The following RASGEF1C variants were observed in gnomAD, a reference collection of about 807,000 sequenced individuals.
RASGEF1C encodes ras-GEF domain-containing family member 1C.
RASGEF1C carries 27 observed loss-of-function variants against 58.1 expected under a neutral mutation model. That is an observed-to-expected ratio of 0.46 (90% confidence interval 0.34 to 0.64). The LOEUF is 0.64. Among genes scored for constraint, RASGEF1C ranks in the 30% least tolerant of loss-of-function variants. The pLI, the probability that RASGEF1C is intolerant of heterozygous loss-of-function variation, is 0.01. For synonymous variants in RASGEF1C, 243 were observed against 246.3 expected, an observed-to-expected ratio of 0.99 and a Z score of 0.13; for missense variants, 502 against 605.1, an observed-to-expected ratio of 0.83 and a Z score of 1.79.
intron 1 of RASGEF1C, among the ~76,000 whole-genome samples, chr5:180,163,783 T>C (rs1200061372): frequency 1.3e-5 from 2 of 152,224 alleles, no homozygotes; most frequent in African/African-American, 2.4e-5. Context: ...ACCTCTTCTA[T>C]TTTCTGAAAG....
chr5:180,200,902 G>A (rs2127564239), intron 1 of RASGEF1C, among the ~76,000 whole-genome samples: 2 of 152,252 alleles, frequency 1.3e-5, no homozygotes, highest in South Asian at 4.1e-4. Context: ...CTGTGGGAAT[G>A]AGGAGAGGGG....
At chr5:180,111,671 C>T in intron 11 of RASGEF1C, 91 bp from the exon 12 acceptor site, 4 of 1,449,224 alleles carry the variant, frequency 2.8e-6, no homozygotes, top group Non-Finnish European at 3.9e-6. Context: ...GAGACCCTCT[C>T]AACACCCAGT....
rs1766611617 is a variant in RASGEF1C, at chr5:180,143,295, G to C, written c.-6-5237C>G. On this transcript the variant is annotated intron_variant, in intron 1 of 13. Coordinates refer to ENST00000361132, the MANE Select transcript of RASGEF1C (RefSeq NM_175062.4). This position sits in a 1 kb window ranked among gnomAD's most constrained non-coding sequence, Gnocchi z 4.3. ...ACCCTGCTCCAGGCCGCTGGCGCTG[G>C]CAAAGTTTCTGGGACAGCATGGCCC... 6.6e-6 allele frequency among the ~76,000 whole-genome samples: 1 copy of C among 152,220 alleles called. No homozygotes were observed. The highest frequency in any genetic ancestry group is 2.4e-5 in the African/African-American group (1 of 41,452).
Position 180,197,130 on chromosome 5 carries a change from C to T in RASGEF1C, c.-7+11898G>A, listed in dbSNP as rs190206318. On this transcript the variant is annotated intron_variant, in intron 1 of 13. Transcript: ENST00000361132. This position sits in a 1 kb window ranked among gnomAD's most constrained non-coding sequence, Gnocchi z 4.7. ...CTGATGAGCCTCCTTGGTCCCTCTG[C>T]AGCACGATCCCCTTCCTGGAGAGTC... Among the ~76,000 whole-genome samples, 1 of 152,332 alleles carries T rather than the reference C, an allele frequency of 6.6e-6. No homozygotes were observed. Among genetic ancestry groups the T allele is most frequent in the East Asian group, 1.9e-4 (1 of 5,178 alleles).
intron 1 of RASGEF1C, among the ~76,000 whole-genome samples, chr5:180,165,663 T>G (rs1431257876): frequency 9.1e-6 from 1 of 109,530 alleles, no homozygotes; most frequent in Non-Finnish European, 2.1e-5. Flanking sequence ...AGAGCGAAAC[T>G]CTGTCTCAAA....
chr5:180,192,590 G>A (rs2127563027), intron 1 of RASGEF1C, among the ~76,000 whole-genome samples: 1 of 152,234 alleles, frequency 6.6e-6, no homozygotes, highest in South Asian at 2.1e-4. Context: ...CACTGGAACT[G>A]ATGAATTGTA....
intron 1 of RASGEF1C, among the ~76,000 whole-genome samples, chr5:180,201,419 A>G (rs1756393064): frequency 1.3e-5 from 2 of 152,206 alleles, no homozygotes; most frequent in African/African-American, 4.8e-5. Context: ...GGTGCACTTC[A>G]TAACAACAAC....
chr5:180,161,756 C>T (rs1393069722), intron 1 of RASGEF1C, among the ~76,000 whole-genome samples: 1 of 152,266 alleles, frequency 6.6e-6, no homozygotes, highest in East Asian at 1.9e-4. Context: ...GCTGACGCCC[C>T]CGCCCCCATT....
chr5:180,121,637 TCACACACACACACACA>T (rs762495633), intron 6 of RASGEF1C, among the ~76,000 whole-genome samples: 11 of 113,352 alleles, frequency 9.7e-5, no homozygotes, highest in East Asian at 2.6e-4. Flanking sequence ...AAATGTAACT[TCACACACACACACACA>T]CACACACACA....
At chr5:180,138,736 C>A (rs1342392809) in intron 1 of RASGEF1C, among the ~76,000 whole-genome samples, 2 of 152,204 alleles carry the variant, frequency 1.3e-5, no homozygotes, top group African/African-American at 4.8e-5. Flanking sequence ...GACTAGCTGA[C>A]CTGTCCATCC....
At chr5:180,172,474 C>T (rs1401764720) in intron 1 of RASGEF1C, among the ~76,000 whole-genome samples, 1 of 152,146 alleles carries the variant, frequency 6.6e-6, no homozygotes, top group Non-Finnish European at 1.5e-5. Context: ...GGCAGAGGGA[C>T]AGGGGGCACA....
chr5:180,200,485 T>G (rs1484817613), intron 1 of RASGEF1C, among the ~76,000 whole-genome samples: 2 of 151,470 alleles, frequency 1.3e-5, no homozygotes, highest in South Asian at 4.2e-4. Flanking sequence ...AATTTTTTTT[T>G]GGTATTTTTA....
At chr5:180,199,696 C>T (rs1220561855) in intron 1 of RASGEF1C, among the ~76,000 whole-genome samples, 1 of 150,622 alleles carries the variant, frequency 6.6e-6, no homozygotes, top group Non-Finnish European at 1.5e-5. Flanking sequence ...CCTCCCCTCC[C>T]TCCCTCCCTC....
chr5:180,127,483 C>T (rs1766282034), intron 6 of RASGEF1C, 126 bp downstream of exon 6: 2 of 840,088 alleles, frequency 2.4e-6, no homozygotes, highest in Admixed American at 3.7e-5. Context: ...GGCAGGGCCC[C>T]CCGAGCCCAC....
chr5:180,151,817 C>A (rs560170435), intron 1 of RASGEF1C, among the ~76,000 whole-genome samples: 1 of 151,674 alleles, frequency 6.6e-6, no homozygotes, highest in Admixed American at 6.6e-5. Flanking sequence ...GCAATCTACT[C>A]ATCGGACAAA....
At chr5:180,113,079 G>A (rs1582261376) in intron 11 of RASGEF1C, among the ~76,000 whole-genome samples, 2 of 132,886 alleles carry the variant, frequency 1.5e-5, no homozygotes, top group African/African-American at 2.9e-5. Context: ...GGAGGGACCG[G>A]GGATGGACAG....
rs551006655 is a variant in RASGEF1C at position 180,159,222 on chromosome 5, C to T, written c.-6-21164G>A. Among the ~76,000 whole-genome samples, 4 of 152,000 alleles carry T rather than the reference C, an allele frequency of 2.6e-5. No individual in the cohort carries two copies. In the East Asian group the frequency reaches 7.8e-4, roughly 30 times the overall value. ...CGGCGCGATCTCGGCTCACTGCAAC[C>T]TTTGCCTCCCAGGTTCAAGCGATTC... On this transcript the variant is annotated intron_variant, in intron 1 of 13. Coordinates refer to ENST00000361132, the MANE Select transcript of RASGEF1C (RefSeq NM_175062.4).
At chr5:180,172,584 A>G (rs1165747574) in intron 1 of RASGEF1C, among the ~76,000 whole-genome samples, 1 of 152,154 alleles carries the variant, frequency 6.6e-6, no homozygotes, top group Non-Finnish European at 1.5e-5. Context: ...GGTGTCTGCC[A>G]GGGCCTTCCA....
intron 1 of RASGEF1C, among the ~76,000 whole-genome samples, chr5:180,167,048 G>A (rs893406475): frequency 1.4e-4 from 22 of 152,096 alleles, no homozygotes; most frequent in Admixed American, 6.5e-5. Flanking sequence ...GAGTGTCTTT[G>A]TGTTTTATTC....
Sources: gnomAD v4.1 joint callset for allele counts (sites outside exome capture counted in the v4.1 genomes callset) on GRCh38, gnomAD v4.1.1 for gene constraint, Gnocchi (gnomAD v3.1) non-coding constraint, MANE v1.5 for transcripts, NCBI Gene and HGNC (gene_info 2026-07-23, HGNC 2026-07-21) for gene names.